Variants in LRP1B observed in about 807,000 individuals in gnomAD.
LRP1B encodes the protein LDL receptor related protein 1B.
In LRP1B, 217 loss-of-function variants were observed where a neutral mutation model predicts 556.6. The ratio of observed to expected loss-of-function variants is 0.39; its 90% CI spans 0.35 to 0.44. The LOEUF (loss-of-function observed/expected upper bound fraction) is 0.44. Ranked by LOEUF, LRP1B falls within the 20% of genes least tolerant of loss-of-function variation. The pLI is 1.00. For synonymous variants in LRP1B, 2,047 were observed against 1,865.8 expected (o/e 1.10, Z -2.50); for missense variants, 5,053 against 5,620.8 (o/e 0.90, Z 3.23).
At chr2:140,749,932 G>A (rs969880810) in intron 35 of LRP1B, among the ~76,000 whole-genome samples, 4 of 152,048 alleles carry the variant, frequency 2.6e-5, no homozygotes, top group Admixed American at 6.6e-5. Context: ...AATGTCTTGC[G>A]CTATGACATT....
chr2:141,959,248 A>G (rs933471287), intron 1 of LRP1B, among the ~76,000 whole-genome samples: 1 of 151,996 alleles, frequency 6.6e-6, no homozygotes, highest in Admixed American at 6.6e-5. Flanking sequence ...TTTGTTAAGA[A>G]TGCTACTCAG....
intron 1 of LRP1B, among the ~76,000 whole-genome samples, chr2:141,870,906 T>A (rs1698564940): frequency 1.3e-5 from 2 of 151,968 alleles, no homozygotes; most frequent in Non-Finnish European, 2.9e-5. Context: ...ACTTGAAATA[T>A]CTCACTTTTG....
intron 86 of LRP1B, among the ~76,000 whole-genome samples, chr2:140,250,386 AAC>A (rs1360238577): frequency 6.6e-6 from 1 of 151,858 alleles, no homozygotes; most frequent in Non-Finnish European, 1.5e-5. Context: ...TAGGTAGATA[AAC>A]AGATACTTAT....
intron 23 of LRP1B, among the ~76,000 whole-genome samples, chr2:140,896,206 GA>G (rs1379281118): frequency 2.0e-5 from 3 of 151,868 alleles, no homozygotes; most frequent in Admixed American, 6.6e-5. Flanking sequence ...ATTAATAAAT[GA>G]ATTAAAGAGG....
chr2:141,028,042 C>T (rs1698264806), intron 11 of LRP1B, among the ~76,000 whole-genome samples: 2 of 152,050 alleles, frequency 1.3e-5, no homozygotes, highest in African/African-American at 4.8e-5. Context: ...TCAATTAAGA[C>T]AGAGAAATAT....
At chr2:142,046,347 C>A (rs978776283) in intron 1 of LRP1B, among the ~76,000 whole-genome samples, 10 of 151,964 alleles carry the variant, frequency 6.6e-5, no homozygotes, top group African/African-American at 2.4e-4. Flanking sequence ...TGACAGTTGA[C>A]TTCTGCAACT....
At chr2:140,628,209 A>G (rs1339544552) in intron 41 of LRP1B, among the ~76,000 whole-genome samples, 1 of 152,146 alleles carries the variant, frequency 6.6e-6, no homozygotes, top group African/African-American at 2.4e-5. Flanking sequence ...GAGGACACCA[A>G]GTAAAATACT....
intron 2 of LRP1B, among the ~76,000 whole-genome samples, chr2:141,520,306 TTC>T (rs913362386): frequency 2.2e-4 from 34 of 152,260 alleles, no homozygotes; most frequent in African/African-American, 8.2e-4. Flanking sequence ...AAGAAAAAGA[TTC>T]TGTCAGAGCA....
chr2:140,626,840 C>T (rs1452036738), intron 41 of LRP1B, among the ~76,000 whole-genome samples: 1 of 151,156 alleles, frequency 6.6e-6, no homozygotes, highest in East Asian at 1.9e-4. Context: ...CTATGAAAAA[C>T]ACAATTTTTA....
chr2:141,035,740 A>AT (rs914372255), intron 11 of LRP1B, among the ~76,000 whole-genome samples: 44 of 152,148 alleles, frequency 2.9e-4, no homozygotes, highest in African/African-American at 9.9e-4. Context: ...TGCTACTTTT[A>AT]TTTTTTTGTT....
chr2:140,637,776 C>T (rs560377147), intron 41 of LRP1B, among the ~76,000 whole-genome samples: 52 of 152,284 alleles, frequency 3.4e-4, no homozygotes, highest in Admixed American at 7.2e-4. Flanking sequence ...GGTTCCTTAA[C>T]AGCTTAAATT....
At position 140,697,452 on chromosome 2, in the gene LRP1B, G is replaced by A. The variant is rs551175036; in HGVS notation, c.6799+2798C>T. On this transcript the variant is annotated intron_variant, in intron 41 of 90. Coordinates refer to ENST00000389484, the MANE Select transcript of LRP1B (RefSeq NM_018557.3). The stretch of plus-strand genomic sequence containing the variant: ...TATGTATTAGCATTACAACACTCTC[G>A]TTTTTTTCATCATCTTATCTTGGAT... 3.9e-3 allele frequency among the ~76,000 whole-genome samples: 576 copies of A among 147,328 alleles called. 3 individuals are homozygous for A. Among genetic ancestry groups the A allele is most frequent in the South Asian group, 0.031 (134 of 4,330 alleles).
intron 35 of LRP1B, among the ~76,000 whole-genome samples, chr2:140,742,404 A>G (rs1481458057): frequency 6.6e-6 from 1 of 152,182 alleles, no homozygotes; most frequent in Non-Finnish European, 1.5e-5. Context: ...AAATATTTCT[A>G]GCATTGCATT....
intron 3 of LRP1B, among the ~76,000 whole-genome samples, chr2:141,393,339 G>C (rs940488168): frequency 1.3e-5 from 2 of 152,124 alleles, no homozygotes; most frequent in Non-Finnish European, 2.9e-5. Context: ...TCACCGGAAA[G>C]TATGTCAACC....
intron 2 of LRP1B, among the ~76,000 whole-genome samples, chr2:141,670,513 C>G (rs1690626734): frequency 6.6e-6 from 1 of 152,192 alleles, no homozygotes; most frequent in Non-Finnish European, 1.5e-5. Flanking sequence ...AAGGGGATGA[C>G]TGTAGGGGTT....
chr2:141,397,163 A>G, intron 3 of LRP1B, among the ~76,000 whole-genome samples: 1 of 139,160 alleles, frequency 7.2e-6, no homozygotes, highest in Admixed American at 7.5e-5. Context: ...TTTAGAAACT[A>G]GAAAGAGAAG....
At chr2:141,787,977 A>G (rs1695480337) in intron 2 of LRP1B, among the ~76,000 whole-genome samples, 1 of 152,008 alleles carries the variant, frequency 6.6e-6, no homozygotes, top group South Asian at 2.1e-4. Context: ...TCAAAAATGT[A>G]TAAAGGAATA....
intron 41 of LRP1B, among the ~76,000 whole-genome samples, chr2:140,673,665 CA>C (rs1429341516): frequency 6.6e-6 from 1 of 152,106 alleles, no homozygotes; most frequent in Non-Finnish European, 1.5e-5. Flanking sequence ...TCTGTGCAAA[CA>C]AAAAATAAGA....
intron 35 of LRP1B, among the ~76,000 whole-genome samples, chr2:140,750,770 CA>C (rs1688547767): frequency 6.6e-6 from 1 of 152,130 alleles, no homozygotes; most frequent in Admixed American, 6.5e-5. Context: ...ATGACACAAA[CA>C]TGACAGGTAT....
Sources: allele counts gnomAD v4.1 joint callset (sites outside exome capture counted in the v4.1 genomes callset), GRCh38; gene constraint gnomAD v4.1.1; transcripts MANE v1.5; gene names NCBI Gene and HGNC (gene_info 2026-07-23, HGNC 2026-07-21).